Variants in SLC25A43 observed in about 807,000 individuals in gnomAD.
SLC25A43 encodes solute carrier family 25 member 43.
A neutral mutation model predicts 22.8 loss-of-function variants in SLC25A43; 10 were observed. That is an observed-to-expected ratio of 0.44 (90% CI 0.27 to 0.74). SLC25A43 has a LOEUF of 0.74. Among genes scored for constraint, SLC25A43 ranks in the 30% least tolerant of loss-of-function variants. The pLI is 0.17. For missense variants in SLC25A43, 233 were observed against 279.1 expected (o/e 0.83, Z 1.18); for synonymous variants, 106 against 121.6 (o/e 0.87, Z 0.84).
At chrX:119,448,366 C>T (rs759185762) in intron 3 of SLC25A43, among the ~76,000 whole-genome samples, 9 of 111,644 alleles carry the variant, frequency 8.1e-5, no homozygotes, top group African/African-American at 2.9e-4. Context: ...TTAGGTCATG[C>T]CATTCTTCTA....
chrX:119,414,633 G>C (rs192323602), intron 3 of SLC25A43, among the ~76,000 whole-genome samples: 285 of 111,582 alleles, frequency 2.6e-3, no homozygotes, highest in Non-Finnish European at 4.1e-3. Context: ...ATATCTATTA[G>C]TATTATCTTC....
chrX:119,426,231 T>G, intron 3 of SLC25A43: 1 of 756,005 alleles, frequency 1.3e-6, no homozygotes, highest in Non-Finnish European at 1.6e-6. Flanking sequence ...GAGGCTGTAA[T>G]GGGCAGACTA....
intron 1 of SLC25A43, among the ~76,000 whole-genome samples, chrX:119,404,717 C>G (rs1185773797): frequency 9.0e-6 from 1 of 111,681 alleles, no homozygotes. Flanking sequence ...GTTCCTTTCT[C>G]TAGGGCAGAG....
chrX:119,412,118 C>T (rs969963604), intron 3 of SLC25A43, among the ~76,000 whole-genome samples: 4 of 111,028 alleles, frequency 3.6e-5, no homozygotes, highest in African/African-American at 1.3e-4. Flanking sequence ...GTAGTAGTCC[C>T]GGCTGCCCTG....
intron 3 of SLC25A43, among the ~76,000 whole-genome samples, chrX:119,425,838 G>T (rs1416135051): frequency 9.0e-6 from 1 of 110,857 alleles, no homozygotes; most frequent in Non-Finnish European, 1.9e-5. Context: ...TAGAGGGAAG[G>T]CAAGGAAGGC....
intron 1 of SLC25A43, among the ~76,000 whole-genome samples, chrX:119,404,143 G>A (rs915755793): frequency 9.1e-6 from 1 of 110,090 alleles, no homozygotes; most frequent in Middle Eastern, 4.7e-3. Flanking sequence ...GATTACAGGC[G>A]CCCGCCACCA....
chrX:119,419,785 G>C (rs1210892561), intron 3 of SLC25A43, among the ~76,000 whole-genome samples: 1 of 111,266 alleles, frequency 9.0e-6, no homozygotes, highest in Non-Finnish European at 1.9e-5. Context: ...ACTCAGGCTG[G>C]AAATCCACAA....
chrX:119,443,104 C>T lies in SLC25A43; in HGVS notation c.691-8905C>T, dbSNP rs1450436713. 3.9e-5 allele frequency among the ~76,000 whole-genome samples: 4 copies of T among 103,341 alleles called. No homozygotes were observed. In the East Asian group the frequency reaches 1.2e-3, roughly 31 times the overall value. The allele number at this position is 103,341 out of a possible 115,157, so 89.7% of individuals were successfully genotyped here. A position where few individuals can be genotyped will look rare whatever the true frequency, so the allele number is the denominator to read the frequency against. ...ATTTACCATCTCCAGTCTTTCTTTTCCCATTCTCTCTCTTTTTTTTTTTTT... is the reference window on the plus strand; with the variant it reads ...ATTTACCATCTCCAGTCTTTCTTTTTCCATTCTCTCTCTTTTTTTTTTTTT... On this transcript the variant is annotated intron_variant, in intron 3 of 4. Transcript: ENST00000217909.
intron 3 of SLC25A43, among the ~76,000 whole-genome samples, chrX:119,432,784 T>TA (rs35181029): frequency 0.012 from 861 of 71,387 alleles, 16 homozygotes; most frequent in African/African-American, 0.034. Flanking sequence ...CGAGATTCCA[T>TA]AAAAAAAAAA....
chrX:119,417,442 A>G (rs1290054050), intron 3 of SLC25A43, among the ~76,000 whole-genome samples: 3 of 110,604 alleles, frequency 2.7e-5, no homozygotes, highest in Non-Finnish European at 5.7e-5. Context: ...AAGAGAAAAG[A>G]AAAGAAAAAG....
chrX:119,406,753 T>A (rs2052300402), intron 2 of SLC25A43, 52 bp downstream of exon 2: 1 of 1,167,545 alleles, frequency 8.6e-7, no homozygotes, highest in African/African-American at 1.8e-5. Context: ...TCTCTGAAAT[T>A]ACAAATGTAT....
intron 2 of SLC25A43, among the ~76,000 whole-genome samples, chrX:119,409,192 A>T (rs994760393): frequency 3.7e-5 from 4 of 107,310 alleles, no homozygotes; most frequent in African/African-American, 1.4e-4. Context: ...TTATTTATTT[A>T]TTTTTTGAGA....
At chrX:119,426,212 G>C in intron 3 of SLC25A43, 1 of 755,931 alleles carries the variant, frequency 1.3e-6, no homozygotes, top group Non-Finnish European at 1.6e-6. Context: ...CGACGGCTGT[G>C]TTCCTCTTGA....
intron 3 of SLC25A43, among the ~76,000 whole-genome samples, chrX:119,441,435 C>T (rs1317630797): frequency 1.9e-5 from 2 of 107,125 alleles, no homozygotes; most frequent in Non-Finnish European, 3.9e-5. Context: ...TCTTCTGCGT[C>T]GCTCACGCTG....
rs148607492 is a variant in SLC25A43, at chrX:119,452,078, C to T, written c.760C>T (p.Arg254Trp). The change falls in exon 4 of 5, where the codon CGG becomes TGG. Residue 254 changes from arginine (R) to tryptophan (W), a missense_variant. By Grantham distance (101) the Arg-to-Trp change is moderately radical (BLOSUM62 -3). Coordinates refer to ENST00000217909, the MANE Select transcript of SLC25A43 (RefSeq NM_145305.3). The stretch of plus-strand genomic sequence containing the variant: ...TTTCTCAGGAGCAGTGGACTGCTTC[C>T]GGCAGATAGTGAAGGCCCAGGGGGT... ...VHFSGAVDCF[R>W]QIVKAQGVLG... 9.9e-6 allele frequency: 12 copies of T among 1,208,269 alleles called. No individual in the cohort carries two copies. In the Admixed American group the frequency reaches 1.5e-4, roughly 15 times the overall value.
intron 1 of SLC25A43, among the ~76,000 whole-genome samples, chrX:119,400,284 AC>A (rs1483741359): frequency 9.0e-6 from 1 of 110,639 alleles, no homozygotes; most frequent in African/African-American, 3.3e-5. Context: ...CCCTCAGCCT[AC>A]CGCTTCACCC....
intron 3 of SLC25A43, among the ~76,000 whole-genome samples, chrX:119,451,175 ATAATAT>A (rs1175876246): frequency 1.8e-5 from 2 of 111,129 alleles, no homozygotes; most frequent in Non-Finnish European, 3.8e-5. Flanking sequence ...AAAAAAAATA[ATAATAT>A]TAAAGGAGAA....
At chrX:119,443,116 C>CTTTTTTTTTT (rs58081965) in intron 3 of SLC25A43, among the ~76,000 whole-genome samples, 1 of 73,457 alleles carries the variant, frequency 1.4e-5, no homozygotes, top group Non-Finnish European at 2.5e-5. Flanking sequence ...CATTCTCTCT[C>CTTTTTTTTTT]TTTTTTTTTT....
chrX:119,441,841 G>A (rs1366864720), intron 3 of SLC25A43, among the ~76,000 whole-genome samples: 2 of 111,599 alleles, frequency 1.8e-5, no homozygotes, highest in Non-Finnish European at 3.8e-5. Context: ...TGTAATCCCA[G>A]CACTTTGGGA....
Sources: allele counts gnomAD v4.1 joint callset (sites outside exome capture counted in the v4.1 genomes callset), GRCh38; gene constraint gnomAD v4.1.1; transcripts MANE v1.5; gene names NCBI Gene and HGNC (gene_info 2026-07-23, HGNC 2026-07-21).